Variants in BCAS1 observed in about 807,000 individuals in gnomAD.
BCAS1 encodes the protein breast carcinoma-amplified sequence 1.
BCAS1 carries 46 observed loss-of-function variants against 65.4 expected under a neutral mutation model. The observed-to-expected ratio is 0.70, with a 90% CI of 0.55 to 0.90. The LOEUF is 0.90. Ranked by LOEUF, BCAS1 falls within the 40% of genes least tolerant of loss-of-function variation. The pLI, the probability that BCAS1 is intolerant of heterozygous loss-of-function variation, is 0.00. For missense variants in BCAS1, 793 were observed against 771.2 expected (o/e 1.03, Z -0.33); for synonymous variants, 298 against 293.5 (o/e 1.02, Z -0.16).
intron 4 of BCAS1, among the ~76,000 whole-genome samples, chr20:54,007,548 G>A (rs912737860): frequency 6.6e-6 from 1 of 152,140 alleles, no homozygotes; most frequent in African/African-American, 2.4e-5. Flanking sequence ...CTGCTTCCCT[G>A]ATTTCCCAAC....
At chr20:54,045,219 A>C (rs2092080187) in intron 3 of BCAS1, among the ~76,000 whole-genome samples, 1 of 150,534 alleles carries the variant, frequency 6.6e-6, no homozygotes, top group Non-Finnish European at 1.5e-5. Context: ...TCAAAAAAAA[A>C]AAAAAAACAA....
intron 8 of BCAS1, among the ~76,000 whole-genome samples, chr20:53,976,690 A>G (rs2090344163): frequency 6.6e-6 from 1 of 152,236 alleles, no homozygotes; most frequent in Non-Finnish European, 1.5e-5. Flanking sequence ...CCCTGCTATG[A>G]TGACTTCAAG....
intron 4 of BCAS1, among the ~76,000 whole-genome samples, chr20:53,997,738 G>A (rs1040460996): frequency 1.3e-5 from 2 of 152,182 alleles, no homozygotes; most frequent in Non-Finnish European, 2.9e-5. Context: ...TGGTGCACCG[G>A]AGGTTGTGAC....
rs1392253827 is a variant in BCAS1, at chr20:54,032,552, C to T, written c.143-3580G>A. Among the ~76,000 whole-genome samples, 3 of 151,154 alleles carry T rather than the reference C, an allele frequency of 2.0e-5. 1 individual carries two copies. The highest frequency in any genetic ancestry group is 7.3e-5 in the African/African-American group (3 of 41,306). On this transcript the variant is annotated intron_variant, in intron 3 of 12. Coordinates refer to ENST00000688948, the MANE Select transcript of BCAS1 (RefSeq NM_001366298.2). ...GGCAGGCTGGATAAAGAACCAAGAA[C>T]CATTGGTATACTGTCTTCAAGAGAC...
chr20:54,001,831 T>C (rs2091062097), intron 4 of BCAS1, among the ~76,000 whole-genome samples: 1 of 152,240 alleles, frequency 6.6e-6, no homozygotes, highest in African/African-American at 2.4e-5. Context: ...ATTGGCTCTG[T>C]CTGGGCAGCG....
intron 10 of BCAS1, among the ~76,000 whole-genome samples, chr20:53,964,688 C>A (rs380572): frequency 0.1 from 15,191 of 152,212 alleles, 1,179 homozygotes; most frequent in East Asian, 0.43. Flanking sequence ...CTGCCAAAAA[C>A]TTTTCCCAAA....
intron 3 of BCAS1, among the ~76,000 whole-genome samples, chr20:54,052,533 T>G (rs2092234274): frequency 6.6e-6 from 1 of 152,144 alleles, no homozygotes. Context: ...GTGATCATAT[T>G]AAGAGGTGAG....
In BCAS1 at chr20:53,943,775, C is replaced by G. The variant is rs528901944; in HGVS notation, c.*1147G>C. On this transcript the variant is annotated 3_prime_UTR_variant, in exon 13 of 13. Transcript: ENST00000688948. Reference sequence around the variant, plus strand: ...CACATCCTGAGAACATTAGGAATGACAGACACACTTGAGATAAGTGTCAGA... The same window carrying G: ...CACATCCTGAGAACATTAGGAATGAGAGACACACTTGAGATAAGTGTCAGA... 2 of 152,202 alleles carry G rather than the reference C, an allele frequency of 1.3e-5. No individual in the cohort carries two copies. Among genetic ancestry groups the G allele is most frequent in the East Asian group, 3.9e-4 (2 of 5,174 alleles). 9.4% of individuals were successfully genotyped at this position (152,202 alleles called of 1,614,324 possible).
At chr20:54,022,393 C>T (rs1307622009) in intron 4 of BCAS1, among the ~76,000 whole-genome samples, 1 of 152,138 alleles carries the variant, frequency 6.6e-6, no homozygotes, top group Non-Finnish European at 1.5e-5. Flanking sequence ...GCCATTTGAT[C>T]TATTTCATAA....
chr20:54,002,882 C>T (rs982143071), intron 4 of BCAS1, among the ~76,000 whole-genome samples: 1 of 152,156 alleles, frequency 6.6e-6, no homozygotes, highest in African/African-American at 2.4e-5. Flanking sequence ...CTCATCAGTA[C>T]CCATCATACT....
At chr20:53,996,426 T>C (rs1372657764) in intron 4 of BCAS1, among the ~76,000 whole-genome samples, 1 of 149,070 alleles carries the variant, frequency 6.7e-6, no homozygotes. Context: ...GAGATGGCGT[T>C]TCCCACAATT....
chr20:53,972,490 G>A (rs958062405), intron 9 of BCAS1, among the ~76,000 whole-genome samples: 17 of 152,164 alleles, frequency 1.1e-4, no homozygotes, highest in African/African-American at 3.6e-4. Context: ...CAGTGTTTCT[G>A]TTGAAACTAC....
At chr20:53,967,590 G>T (rs1298231106) in intron 9 of BCAS1, among the ~76,000 whole-genome samples, 2 of 152,220 alleles carry the variant, frequency 1.3e-5, no homozygotes, top group African/African-American at 4.8e-5. Flanking sequence ...TCCTCATTAA[G>T]CGATATCTAA....
rs542747757 is a variant in BCAS1 at position 53,961,256 on chromosome 20, C to T, written c.1486-3759G>A. Among the ~76,000 whole-genome samples the T allele has an allele frequency of 2.0e-5, 3 of 152,176 alleles. No homozygotes were observed. The South Asian group carries it at 6.2e-4, about 32-fold the overall frequency. On this transcript the variant is annotated intron_variant, in intron 10 of 12. Coordinates refer to ENST00000688948, the MANE Select transcript of BCAS1 (RefSeq NM_001366298.2). ...AGGGAATGTTAATGTATTTTGATGG[C>T]AATATAATTCAAACACAATTGACAT...
At chr20:54,031,761 A>G (rs972876920) in intron 3 of BCAS1, among the ~76,000 whole-genome samples, 1 of 151,294 alleles carries the variant, frequency 6.6e-6, no homozygotes, top group African/African-American at 2.4e-5. Flanking sequence ...GTTGAAATTG[A>G]ATACATACTC....
In BCAS1 at chr20:54,028,375, C is replaced by T. The variant is rs1344570189; in HGVS notation, c.723+17G>A. On this transcript the variant is annotated intron_variant, in intron 4 of 12. Coordinates refer to ENST00000688948, the MANE Select transcript of BCAS1 (RefSeq NM_001366298.2). ...GCATGCATTCAGAACCAAGTGGATA[C>T]ACCTTGGCACACTTACCTTCCCTGC... 1.2e-6 allele frequency: 2 copies of T among 1,614,020 alleles called. No homozygotes were observed. The highest frequency in any genetic ancestry group is 1.7e-5 in the Admixed American group (1 of 60,026).
intron 4 of BCAS1, among the ~76,000 whole-genome samples, chr20:53,997,934 G>T (rs1387781980): frequency 6.6e-6 from 1 of 152,090 alleles, no homozygotes; most frequent in African/African-American, 2.4e-5. Flanking sequence ...TTTCATCCCA[G>T]GGCTGTGGGT....
intron 6 of BCAS1, among the ~76,000 whole-genome samples, chr20:53,993,219 G>T (rs1220683449): frequency 6.6e-6 from 1 of 152,174 alleles, no homozygotes; most frequent in Non-Finnish European, 1.5e-5. Context: ...CCAATCCACT[G>T]AGGCAAAGTA....
At chr20:54,052,736 A>G (rs765846179) in intron 3 of BCAS1, among the ~76,000 whole-genome samples, 4 of 152,156 alleles carry the variant, frequency 2.6e-5, no homozygotes, top group Non-Finnish European at 5.9e-5. Flanking sequence ...CAGGGCCCTC[A>G]CCAGACACTG....
Sources: gnomAD v4.1 joint callset for allele counts (sites outside exome capture counted in the v4.1 genomes callset) on GRCh38, gnomAD v4.1.1 for gene constraint, MANE v1.5 for transcripts, NCBI Gene and HGNC (gene_info 2026-07-23, HGNC 2026-07-21) for gene names.